CDK14: variants seen among roughly 807,000 people sequenced by gnomAD.
CDK14 encodes the protein cyclin-dependent kinase 14.
CDK14 carries 34 observed loss-of-function variants against 60.7 expected under a neutral mutation model. That is an observed-to-expected ratio of 0.56 (90% confidence interval 0.43 to 0.75). CDK14 has a LOEUF of 0.75. Ranked by LOEUF, CDK14 falls within the 30% of genes least tolerant of loss-of-function variation. CDK14 has a pLI of 0.00. For synonymous variants in CDK14, 197 were observed against 203.7 expected (o/e 0.97, Z 0.28); for missense variants, 482 against 564.1 (o/e 0.85, Z 1.47).
chr7:91,010,958 C>T (rs1289355512), intron 10 of CDK14, among the ~76,000 whole-genome samples: 2 of 148,730 alleles, frequency 1.3e-5, no homozygotes, highest in Non-Finnish European at 3.0e-5. Context: ...TTGCATTGTT[C>T]TTAAACTCAG....
chr7:90,896,328 T>G (rs140431858), intron 6 of CDK14, among the ~76,000 whole-genome samples: 2 of 152,248 alleles, frequency 1.3e-5, no homozygotes, highest in East Asian at 3.9e-4. Flanking sequence ...CCCTTTCTCA[T>G]TCTCTCTCTT....
intron 11 of CDK14, among the ~76,000 whole-genome samples, chr7:91,060,204 C>A (rs772038577): frequency 6.7e-6 from 1 of 149,902 alleles, no homozygotes; most frequent in East Asian, 1.9e-4. Context: ...CTGTTTTATC[C>A]GAGGCTAGGA....
intron 2 of CDK14, among the ~76,000 whole-genome samples, chr7:90,694,383 C>A (rs10487123): frequency 0.16 from 23,932 of 152,114 alleles, 2,006 homozygotes; most frequent in Middle Eastern, 0.26. Context: ...ACAAATTAAA[C>A]GTAGTAAACT....
At chr7:90,893,836 C>T (rs899291622) in intron 6 of CDK14, among the ~76,000 whole-genome samples, 1 of 152,064 alleles carries the variant, frequency 6.6e-6, no homozygotes, top group Non-Finnish European at 1.5e-5. Flanking sequence ...ATGAGATTCT[C>T]CATATTCTTG....
chr7:91,007,290 A>G (rs1796005679), intron 10 of CDK14, among the ~76,000 whole-genome samples: 1 of 152,104 alleles, frequency 6.6e-6, no homozygotes, highest in Admixed American at 6.5e-5. Flanking sequence ...GACACAATAA[A>G]CTCAACAAAA....
chr7:90,686,739 G>A (rs1000084149), intron 2 of CDK14, among the ~76,000 whole-genome samples: 18 of 152,116 alleles, frequency 1.2e-4, no homozygotes, highest in African/African-American at 3.1e-4. Flanking sequence ...TAAGATTGGC[G>A]GAAAGTGGTT....
intron 14 of CDK14, among the ~76,000 whole-genome samples, chr7:91,152,100 C>G (rs967926524): frequency 1.3e-5 from 2 of 152,158 alleles, no homozygotes; most frequent in Admixed American, 1.3e-4. Flanking sequence ...CAAAGCCTCA[C>G]GGAAAAATTA....
At position 91,191,169 on chromosome 7, in the gene CDK14, T is replaced by C. The variant is rs535672214; in HGVS notation, c.*29-15996T>C. Among the ~76,000 whole-genome samples the C allele has an allele frequency of 8.5e-5, 13 of 152,284 alleles. No individual in the cohort carries two copies. In the East Asian group the frequency reaches 1.4e-3, roughly 16 times the overall value. On this transcript the variant is annotated intron_variant, in intron 14 of 14. Coordinates refer to ENST00000380050, the MANE Select transcript of CDK14 (RefSeq NM_001287135.2). Reference sequence around the variant, plus strand: ...TCTAGTGTCTGGTCTCACTGTAGCATTGTGGTGTTACTTTTGGACTTTCTA... The same window carrying C: ...TCTAGTGTCTGGTCTCACTGTAGCACTGTGGTGTTACTTTTGGACTTTCTA...
At chr7:91,110,054 G>A (rs1799427428) in intron 12 of CDK14, among the ~76,000 whole-genome samples, 1 of 152,012 alleles carries the variant, frequency 6.6e-6, no homozygotes, top group Non-Finnish European at 1.5e-5. Flanking sequence ...ATCTGATAAT[G>A]TACACGTATG....
intron 14 of CDK14, among the ~76,000 whole-genome samples, chr7:91,175,310 A>G (rs1226644104): frequency 2.0e-5 from 3 of 152,216 alleles, no homozygotes; most frequent in South Asian, 4.1e-4. Flanking sequence ...TGAAGGAAGC[A>G]CTAAACATGG....
intron 9 of CDK14, among the ~76,000 whole-genome samples, chr7:90,958,757 G>T (rs564113049): frequency 1.3e-5 from 2 of 152,026 alleles, no homozygotes; most frequent in Non-Finnish European, 2.9e-5. Flanking sequence ...TATTTTTTGA[G>T]TATGGAAATT....
chr7:90,846,178 C>G (rs1033978055), intron 5 of CDK14, among the ~76,000 whole-genome samples: 2 of 152,118 alleles, frequency 1.3e-5, no homozygotes, highest in African/African-American at 4.8e-5. Context: ...GTTCCTTGAG[C>G]TTAGAATGCT....
At chr7:90,836,305 C>A (rs1790097437) in intron 5 of CDK14, among the ~76,000 whole-genome samples, 1 of 152,092 alleles carries the variant, frequency 6.6e-6, no homozygotes, top group Non-Finnish European at 1.5e-5. Flanking sequence ...CAAAAAATAT[C>A]TTTTTTCTTT....
chr7:90,798,936 G>C (rs1788534577), intron 5 of CDK14, among the ~76,000 whole-genome samples: 1 of 152,190 alleles, frequency 6.6e-6, no homozygotes, highest in African/African-American at 2.4e-5. Flanking sequence ...AAAGGGCTGG[G>C]AGATACAGGA....
At chr7:91,175,336 A>G (rs1801694121) in intron 14 of CDK14, among the ~76,000 whole-genome samples, 3 of 152,226 alleles carry the variant, frequency 2.0e-5, no homozygotes, top group African/African-American at 7.2e-5. Flanking sequence ...AACAACCGGT[A>G]TCAGCTGCTG....
chr7:91,009,933 C>T (rs1478720716), intron 10 of CDK14, among the ~76,000 whole-genome samples: 5 of 151,926 alleles, frequency 3.3e-5, no homozygotes, highest in East Asian at 1.9e-4. Context: ...GGTCTAGGAT[C>T]GATTTTTAGT....
chr7:91,175,381 T>C (rs889303857), intron 14 of CDK14, among the ~76,000 whole-genome samples: 137 of 150,596 alleles, frequency 9.1e-4, no homozygotes, highest in Non-Finnish European at 1.6e-3. Flanking sequence ...CCATCGAGAC[T>C]AGGAAGAAAC....
intron 2 of CDK14, among the ~76,000 whole-genome samples, chr7:90,659,288 G>T (rs1321204901): frequency 6.6e-6 from 1 of 152,058 alleles, no homozygotes; most frequent in Non-Finnish European, 1.5e-5. Flanking sequence ...GATATCAGGG[G>T]GAAAATTCAC....
At position 90,912,750 on chromosome 7, in the gene CDK14, G is replaced by A. The variant is rs540581178; in HGVS notation, c.703-4851G>A. Among the ~76,000 whole-genome samples the A allele has an allele frequency of 9.2e-5, 14 of 152,198 alleles. No individual in the cohort carries two copies. In the South Asian group the frequency reaches 2.9e-3, roughly 32 times the overall value. On this transcript the variant is annotated intron_variant, in intron 7 of 14. Transcript: ENST00000380050. ...AGCCTCCCAAGTAGCTAGGACTGCA[G>A]GCACATGCCACCATGCCTGGCTAAG...
Sources: allele counts gnomAD v4.1 joint callset (sites outside exome capture counted in the v4.1 genomes callset), GRCh38; gene constraint gnomAD v4.1.1; transcripts MANE v1.5; gene names NCBI Gene and HGNC (gene_info 2026-07-23, HGNC 2026-07-21).